The following POLI variants were observed in gnomAD, a reference collection of about 807,000 sequenced individuals.
POLI encodes the protein DNA polymerase iota.
A neutral mutation model predicts 51.6 loss-of-function variants in POLI; 58 were observed. The observed-to-expected ratio is 1.12, with a 90% CI of 0.91 to 1.40. POLI has a LOEUF of 1.40. Among genes scored for constraint, POLI ranks in the 40% most tolerant of loss-of-function variants. The pLI, the probability that POLI is intolerant of heterozygous loss-of-function variation, is 0.00. For missense variants in POLI, 921 were observed against 871.3 expected (o/e 1.06, Z -0.72); for synonymous variants, 322 against 299.7 (o/e 1.07, Z -0.77).
chr18:54,285,090 C>T (rs993199811), intron 7 of POLI, among the ~76,000 whole-genome samples: 3 of 152,200 alleles, frequency 2.0e-5, no homozygotes, highest in Non-Finnish European at 4.4e-5. Flanking sequence ...TCCAACTTTG[C>T]TGTCGTGTGC....
rs948881910 is a variant in POLI at position 54,305,753 on chromosome 18, C to CT, written c.334-14509dup. ...TTTCCTAATTGAATACCCTGTATTT[C>CT]TTTTTTTTTTTAATTTCTTTTTTGA... On this transcript the variant is annotated intron_variant, in intron 3 of 4. Coordinates refer to the POLI transcript ENST00000579823. 5.5e-3 allele frequency among the ~76,000 whole-genome samples: 802 copies of CT among 146,008 alleles called. 5 individuals carry two copies. The highest frequency in any genetic ancestry group is 0.015 in the African/African-American group (616 of 39,884).
chr18:54,285,521 A>AGTGTGTGTGT (rs61280100), intron 7 of POLI, among the ~76,000 whole-genome samples: 47 of 144,674 alleles, frequency 3.2e-4, no homozygotes, highest in African/African-American at 1.1e-3. Context: ...AAATTACAGG[A>AGTGTGTGTGT]GTGTGTGTGT....
At chr18:54,303,122 C>T (rs1416605813), downstream of POLI, among the ~76,000 whole-genome samples, 3 of 152,114 alleles carry the variant, frequency 2.0e-5, no homozygotes, top group Non-Finnish European at 4.4e-5. Flanking sequence ...TTTAATGGTT[C>T]CAATGTAGAC....
intron 4 of POLI, among the ~76,000 whole-genome samples, chr18:54,278,953 T>A (rs1421513330): frequency 6.6e-6 from 1 of 152,206 alleles, no homozygotes; most frequent in East Asian, 1.9e-4. Context: ...AGAACCACAG[T>A]TTCTAGAATA....
At chr18:54,308,211 G>A (rs1465134897) in intron 3 of POLI, among the ~76,000 whole-genome samples, 4 of 152,126 alleles carry the variant, frequency 2.6e-5, no homozygotes, top group Non-Finnish European at 5.9e-5. Flanking sequence ...TTTTTGCAGT[G>A]GCTGGTACCG....
At chr18:54,285,097 G>A (rs1158163570) in intron 7 of POLI, among the ~76,000 whole-genome samples, 1 of 152,188 alleles carries the variant, frequency 6.6e-6, no homozygotes, top group East Asian at 1.9e-4. Context: ...TTGCTGTCGT[G>A]TGCAATGTGG....
chr18:54,315,005 CT>C (rs1404321671), intron 3 of POLI, among the ~76,000 whole-genome samples: 18 of 150,912 alleles, frequency 1.2e-4, no homozygotes, highest in Non-Finnish European at 1.9e-4. Flanking sequence ...TTTATGCTAG[CT>C]TTGCAGTCAG....
downstream of POLI, among the ~76,000 whole-genome samples, chr18:54,302,200 T>A (rs571306342): frequency 5.3e-5 from 8 of 152,318 alleles, no homozygotes; most frequent in African/African-American, 1.9e-4. Flanking sequence ...TTACTTAGAT[T>A]ATGAATGTCT....
Position 54,296,182 on chromosome 18 carries a change from T to A in POLI, c.*1715T>A. On this transcript the variant is annotated 3_prime_UTR_variant, in exon 10 of 10. Coordinates refer to ENST00000579534, the MANE Select transcript of POLI (RefSeq NM_007195.3). Reference sequence around the variant, plus strand: ...TGTAAATCATTAAAACATTTTATAGTCCTTGTAATGATTTCAGGACCTTGG... The same window carrying A: ...TGTAAATCATTAAAACATTTTATAGACCTTGTAATGATTTCAGGACCTTGG... 1.7e-5 allele frequency: 17 copies of A among 984,514 alleles called. No homozygotes were observed. The highest frequency in any genetic ancestry group is 2.1e-5 in the Non-Finnish European group (17 of 829,122). 61.0% of individuals were successfully genotyped at this position (984,514 alleles called of 1,614,324 possible). A position where few individuals can be genotyped will look rare whatever the true frequency, so the allele number is the denominator to read the frequency against.
chr18:54,297,035 C>T lies in POLI; in HGVS notation c.*2568C>T. The T allele has an allele frequency of 1.0e-6, 1 of 985,418 alleles. No individual in the cohort carries two copies. Among genetic ancestry groups the T allele is most frequent in the Non-Finnish European group, 1.2e-6 (1 of 829,936 alleles). 61.0% of individuals were successfully genotyped at this position (985,418 alleles called of 1,614,324 possible). On this transcript the variant is annotated 3_prime_UTR_variant, in exon 10 of 10. Coordinates refer to ENST00000579534, the MANE Select transcript of POLI (RefSeq NM_007195.3). Reference sequence around the variant, plus strand: ...TCAGTATGATTTGAGTTCGTTGCTTCTCTGGGTGAGGTGGTACAAACTCCT... The same window carrying T: ...TCAGTATGATTTGAGTTCGTTGCTTTTCTGGGTGAGGTGGTACAAACTCCT...
At position 54,320,248 on chromosome 18, in the gene POLI, C is replaced by G. The variant is rs146898948; in HGVS notation, c.334-25C>G. 2.0e-4 allele frequency: 31 copies of G among 152,270 alleles called. No individual in the cohort carries two copies. In the East Asian group the frequency reaches 2.5e-3, roughly 12 times the overall value. 9.4% of individuals were successfully genotyped at this position (152,270 alleles called of 1,614,324 possible). On this transcript the variant is annotated intron_variant, in intron 3 of 4. Transcript: ENST00000579823. ...TTTATGTGCCTTCCAGCTTCTCCCC[C>G]ACTGTGCCCTTCTTCTTCCCACAGG...
Position 54,282,711 on chromosome 18 carries a change from A to G in POLI, c.797-126A>G, listed in dbSNP as rs1477958054. ...AGGTCTTAGAATGTATCCCCTGTGG[A>G]TAAGGGGGGACTACTGTATAAATTA... On this transcript the variant is annotated intron_variant, in intron 5 of 9. Transcript: ENST00000579534. 4 of 591,386 alleles carry G rather than the reference A, an allele frequency of 6.8e-6. No individual in the cohort carries two copies. The African/African-American group carries it at 7.4e-5, about 11-fold the overall frequency. 36.6% of individuals were successfully genotyped at this position (591,386 alleles called of 1,614,324 possible). A position where few individuals can be genotyped will look rare whatever the true frequency, so the allele number is the denominator to read the frequency against.
At chr18:54,287,562 A>G in intron 8 of POLI, 151 bp downstream of exon 8, 2 of 561,554 alleles carry the variant, frequency 3.6e-6, no homozygotes. Flanking sequence ...TTTCACTGGA[A>G]AACTTTGTTG....
At chr18:54,299,164 G>C (rs1468005196), downstream of POLI, among the ~76,000 whole-genome samples, 4 of 152,218 alleles carry the variant, frequency 2.6e-5, no homozygotes, top group African/African-American at 9.6e-5. Context: ...GCCGGGCGTG[G>C]TGGCTCATGC....
At chr18:54,275,241 T>A (rs1335510308) in intron 3 of POLI, among the ~76,000 whole-genome samples, 3 of 152,204 alleles carry the variant, frequency 2.0e-5, no homozygotes, top group African/African-American at 7.2e-5. Flanking sequence ...GGAGGATTGC[T>A]TGAGCCTAGA....
intron 9 of POLI, among the ~76,000 whole-genome samples, chr18:54,292,502 G>T (rs2088072397): frequency 6.6e-6 from 1 of 152,176 alleles, no homozygotes; most frequent in Admixed American, 6.5e-5. Context: ...TTTGACTACT[G>T]ATTTCATAGT....
rs1325342610 is a variant in POLI at position 54,295,172 on chromosome 18, G to A, written c.*705G>A. The stretch of plus-strand genomic sequence containing the variant: ...GTGCAAGTAAATTAAGGGAAAGATG[G>A]ACACCAGAAAGGCAAGGTGATGGGC... On this transcript the variant is annotated 3_prime_UTR_variant, in exon 10 of 10. Transcript: ENST00000579534. 2.0e-6 allele frequency: 2 copies of A among 985,252 alleles called. No homozygotes were observed. The highest frequency in any genetic ancestry group is 2.4e-6 in the Non-Finnish European group (2 of 829,858). The allele number at this position is 985,252 out of a possible 1,614,324, so 61.0% of individuals were successfully genotyped here. A position where few individuals can be genotyped will look rare whatever the true frequency, so the allele number is the denominator to read the frequency against.
intron 3 of POLI, among the ~76,000 whole-genome samples, chr18:54,317,558 G>C (rs1427803490): frequency 1.3e-5 from 2 of 152,154 alleles, no homozygotes; most frequent in Non-Finnish European, 2.9e-5. Flanking sequence ...TTTTAAAGCA[G>C]AACGTATTAA....
rs1270847808 is a variant in POLI, at chr18:54,282,821, A to G, written c.797-16A>G. Reference sequence around the variant, plus strand: ...GAAAAGCTATTTTAACATTGTATGCATTTCTTTTTATTTAGGTATTGGCTA... The same window carrying G: ...GAAAAGCTATTTTAACATTGTATGCGTTTCTTTTTATTTAGGTATTGGCTA... On this transcript the variant is annotated splice_polypyrimidine_tract_variant and intron_variant, in intron 5 of 9. Transcript: ENST00000579534. The G allele has an allele frequency of 2.8e-6, 4 of 1,423,884 alleles. No individual in the cohort carries two copies. Among genetic ancestry groups the G allele is most frequent in the African/African-American group, 2.8e-5 (2 of 70,268 alleles). The allele number at this position is 1,423,884 out of a possible 1,614,324, so 88.2% of individuals were successfully genotyped here. A position where few individuals can be genotyped will look rare whatever the true frequency, so the allele number is the denominator to read the frequency against.
Sources: allele counts gnomAD v4.1 joint callset (sites outside exome capture counted in the v4.1 genomes callset), GRCh38; gene constraint gnomAD v4.1.1; transcripts MANE v1.5; gene names NCBI Gene and HGNC (gene_info 2026-07-23, HGNC 2026-07-21).